Variants in AK5 observed in about 807,000 individuals in gnomAD.
The protein encoded by AK5 is adenylate kinase isoenzyme 5.
Under a neutral mutation model 69.5 loss-of-function variants are expected in AK5, and 27 were observed. The observed-to-expected ratio is 0.39, with a 90% CI of 0.29 to 0.54. AK5 has a LOEUF of 0.54. AK5 is among the 20% of genes least tolerant of loss of function. The pLI is 0.71. For missense variants in AK5, 531 were observed against 700.4 expected, an observed-to-expected ratio of 0.76 and a Z score of 2.73; for synonymous variants, 260 against 244.4, an observed-to-expected ratio of 1.06 and a Z score of -0.60.
intron 7 of AK5, among the ~76,000 whole-genome samples, chr1:77,414,119 C>G (rs767813494): frequency 6.6e-6 from 1 of 152,150 alleles, no homozygotes; most frequent in Non-Finnish European, 1.5e-5. Flanking sequence ...TGGAAGTGTC[C>G]TTTCATTTTT....
At chr1:77,311,958 C>G (rs1391660433) in intron 5 of AK5, among the ~76,000 whole-genome samples, 1 of 152,138 alleles carries the variant, frequency 6.6e-6, no homozygotes, top group Non-Finnish European at 1.5e-5. Flanking sequence ...CATTTAGAAG[C>G]CCACTAATGA....
chr1:77,357,486 A>G (rs942464306), intron 6 of AK5, among the ~76,000 whole-genome samples: 1 of 152,244 alleles, frequency 6.6e-6, no homozygotes, highest in Non-Finnish European at 1.5e-5. Context: ...AACATAAATG[A>G]TCTAATCAAA....
In AK5 at chr1:77,302,852, T is replaced by A. The variant is rs150145545; in HGVS notation, c.699+4905T>A. Among the ~76,000 whole-genome samples the A allele has an allele frequency of 3.3e-3, 506 of 152,324 alleles. 5 individuals are homozygous for A. Among genetic ancestry groups the A allele is most frequent in the African/African-American group, 0.012 (478 of 41,562 alleles). On this transcript the variant is annotated intron_variant, in intron 5 of 13. Coordinates refer to ENST00000354567, the MANE Select transcript of AK5 (RefSeq NM_174858.3). ...AGCTCTTTCCAGCCATTTCTTTAGC[T>A]ATGGGCTCCATTGGAACATGACCTG...
intron 9 of AK5, among the ~76,000 whole-genome samples, chr1:77,484,745 G>C (rs75839406): frequency 0.01 from 1,557 of 152,072 alleles, 33 homozygotes; most frequent in East Asian, 0.079. Flanking sequence ...TTAACATTTT[G>C]GTACATTTCA....
chr1:77,486,467 G>T (rs1004448177), intron 10 of AK5, 115 bp downstream of exon 10: 1 of 641,734 alleles, frequency 1.6e-6, no homozygotes, highest in Non-Finnish European at 2.6e-6. Context: ...AGGCCAAGGC[G>T]GGCAGATCAC....
chr1:77,460,965 C>A (rs1265850268), intron 8 of AK5, among the ~76,000 whole-genome samples: 1 of 151,960 alleles, frequency 6.6e-6, no homozygotes, highest in Non-Finnish European at 1.5e-5. Flanking sequence ...CTCAAGTGAT[C>A]CACCTTACTC....
intron 5 of AK5, 91 bp from the exon 6 acceptor site, chr1:77,340,286 C>G (rs926396960): frequency 3.9e-6 from 5 of 1,280,882 alleles, no homozygotes; most frequent in Middle Eastern, 1.9e-4. Flanking sequence ...ATATGGCAGC[C>G]TCCACAGAAC....
intron 13 of AK5, among the ~76,000 whole-genome samples, chr1:77,542,669 AAAAG>A (rs879882039): frequency 5.3e-5 from 8 of 152,254 alleles, no homozygotes; most frequent in Non-Finnish European, 1.0e-4. Flanking sequence ...CATTGTTTAA[AAAAG>A]AAACAAACTA....
chr1:77,443,400 A>G (rs1048744657), intron 8 of AK5, among the ~76,000 whole-genome samples: 3 of 152,212 alleles, frequency 2.0e-5, no homozygotes, highest in African/African-American at 7.2e-5. Flanking sequence ...AAGGTGCAAG[A>G]TACTTAACCT....
intron 6 of AK5, among the ~76,000 whole-genome samples, chr1:77,372,683 A>G (rs1050475433): frequency 2.6e-5 from 4 of 152,196 alleles, no homozygotes; most frequent in African/African-American, 9.6e-5. Context: ...AGTATTGGGT[A>G]AAAGAGACTG....
At chr1:77,465,256 C>T (rs1315847746) in intron 8 of AK5, among the ~76,000 whole-genome samples, 1 of 152,004 alleles carries the variant, frequency 6.6e-6, no homozygotes, top group Non-Finnish European at 1.5e-5. Context: ...TCAAGATCAC[C>T]TTTTTTTAAA....
intron 5 of AK5, among the ~76,000 whole-genome samples, chr1:77,339,592 A>G (rs1285699958): frequency 6.6e-6 from 1 of 151,686 alleles, no homozygotes; most frequent in Non-Finnish European, 1.5e-5. Flanking sequence ...CAGCTCATCT[A>G]TGAAATGGAG....
At chr1:77,496,898 G>GCTGTAAAATGGACCAATCGGCACT (rs1025016553) in intron 10 of AK5, among the ~76,000 whole-genome samples, 2 of 151,934 alleles carry the variant, frequency 1.3e-5, no homozygotes, top group African/African-American at 4.8e-5. Flanking sequence ...TAATTGGCAC[G>GCTGTAAAATGGACCAATCGGCACT]CTGTAAAATG....
intron 8 of AK5, among the ~76,000 whole-genome samples, chr1:77,477,793 T>C (rs1039225732): frequency 6.6e-6 from 1 of 152,184 alleles, no homozygotes; most frequent in African/African-American, 2.4e-5. Flanking sequence ...AGTAAGCCCC[T>C]TTCTCATAAC....
chr1:77,531,199 T>C (rs1447282852), intron 12 of AK5, among the ~76,000 whole-genome samples: 1 of 152,188 alleles, frequency 6.6e-6, no homozygotes, highest in Non-Finnish European at 1.5e-5. Flanking sequence ...GGAGTGAAGC[T>C]GCAGACCTTC....
chr1:77,533,318 C>A (rs1032249094), intron 12 of AK5, among the ~76,000 whole-genome samples: 5 of 151,928 alleles, frequency 3.3e-5, no homozygotes, highest in Non-Finnish European at 7.4e-5. Flanking sequence ...GAGTTCATGA[C>A]CAGCCTGGCC....
intron 5 of AK5, chr1:77,313,687 T>A (rs750580062): frequency 5.1e-5 from 22 of 433,998 alleles, no homozygotes; most frequent in Non-Finnish European, 8.4e-5. Flanking sequence ...GTTATGGCCC[T>A]CTGCTGGCAG....
At position 77,538,665 on chromosome 1, in the gene AK5, A is replaced by T. The variant is rs180691064; in HGVS notation, c.1620+2627A>T. Among the ~76,000 whole-genome samples the T allele has an allele frequency of 5.1e-3, 776 of 151,392 alleles. 7 individuals carry two copies. Among genetic ancestry groups the T allele is most frequent in the Middle Eastern group, 0.01 (3 of 294 alleles). The stretch of plus-strand genomic sequence containing the variant: ...CCTGTCTCAAAAAATAAAAAAAAAA[A>T]TTAAAAAAAAGAAAGGTATTTCTTC... On this transcript the variant is annotated intron_variant, in intron 13 of 13. Coordinates refer to ENST00000354567, the MANE Select transcript of AK5 (RefSeq NM_174858.3).
intron 13 of AK5, among the ~76,000 whole-genome samples, chr1:77,556,324 CT>C (rs1016167244): frequency 1.3e-5 from 2 of 152,174 alleles, no homozygotes; most frequent in African/African-American, 4.8e-5. Context: ...CTCTTTATGA[CT>C]TTATTGCCTA....
Sources: gnomAD v4.1 joint callset for allele counts (sites outside exome capture counted in the v4.1 genomes callset) on GRCh38, gnomAD v4.1.1 for gene constraint, MANE v1.5 for transcripts, NCBI Gene and HGNC (gene_info 2026-07-23, HGNC 2026-07-21) for gene names.